The following GLP2R variants were observed in gnomAD, a reference collection of about 807,000 sequenced individuals.
The protein encoded by GLP2R is glucagon like peptide 2 receptor.
GLP2R carries 59 observed loss-of-function variants against 68.2 expected under a neutral mutation model. The ratio of observed to expected loss-of-function variants is 0.87; its 90% confidence interval spans 0.70 to 1.07. The LOEUF (loss-of-function observed/expected upper bound fraction) is 1.07, where lower values mean the gene tolerates loss of function less well. Among genes scored for constraint, GLP2R ranks in the 50% least tolerant of loss-of-function variants. GLP2R has a pLI of 0.00. For missense variants in GLP2R, 548 were observed against 677.4 expected (o/e 0.81, Z 2.12); for synonymous variants, 270 against 265.4 (o/e 1.02, Z -0.17).
At chr17:9,871,088 G>C (rs58131349) in intron 10 of GLP2R, among the ~76,000 whole-genome samples, 2 of 152,140 alleles carry the variant, frequency 1.3e-5, no homozygotes, top group African/African-American at 4.8e-5. Flanking sequence ...CCCTAAGAGG[G>C]CAGGAGTGAT....
At chr17:9,864,775 G>A (rs956649784) in intron 9 of GLP2R, among the ~76,000 whole-genome samples, 6 of 152,028 alleles carry the variant, frequency 3.9e-5, no homozygotes, top group African/African-American at 9.7e-5. Context: ...TACCCACCTC[G>A]GCCTCCCAGA....
chr17:9,846,801 C>T (rs778545801), intron 4 of GLP2R, among the ~76,000 whole-genome samples: 21 of 152,128 alleles, frequency 1.4e-4, no homozygotes, highest in African/African-American at 1.9e-4. Flanking sequence ...TGTAGTGGTG[C>T]GATCAAACCT....
chr17:9,845,590 A>G (rs1251338713), intron 4 of GLP2R, among the ~76,000 whole-genome samples: 2 of 152,042 alleles, frequency 1.3e-5, no homozygotes, highest in Non-Finnish European at 2.9e-5. Context: ...TTTTCAGACT[A>G]TCTTCCCTGG....
chr17:9,826,289 T>C (rs762679884), intron 1 of GLP2R, 37 bp downstream of exon 1: 2 of 1,458,808 alleles, frequency 1.4e-6, no homozygotes, highest in South Asian at 1.4e-5. Context: ...TTATCAGTTG[T>C]ATTTCCTGAT....
rs2066983670 is a variant in GLP2R, at chr17:9,861,165, T to C, written c.952T>C (p.Trp318Arg). ...CTTCCCTGTGCTATTTGTTGTACCC[T>C]GGGGTTTCGCCCGTGCACACCTGGA... ...WAFPVLFVVP[W>R]GFARAHLENT... The change falls in exon 8 of 13, where the codon TGG becomes CGG. Residue 318 changes from tryptophan to arginine, a missense_variant. Physicochemically the swap from Trp to Arg is moderately radical, Grantham distance 101. Transcript: ENST00000262441. The C allele has an allele frequency of 6.2e-7, 1 of 1,613,644 alleles. No homozygotes were observed. The highest frequency in any genetic ancestry group is 8.5e-7 in the Non-Finnish European group (1 of 1,179,660).
chr17:9,852,406 C>CT (rs2066899777), intron 4 of GLP2R, among the ~76,000 whole-genome samples: 1 of 152,144 alleles, frequency 6.6e-6, no homozygotes, highest in African/African-American at 2.4e-5. Flanking sequence ...TGAACTCATT[C>CT]TTTTTTATGG....
intron 3 of GLP2R, among the ~76,000 whole-genome samples, chr17:9,840,194 C>A (rs532576697): frequency 6.6e-6 from 1 of 152,320 alleles, no homozygotes; most frequent in Non-Finnish European, 1.5e-5. Flanking sequence ...CCAGGCTGGT[C>A]TCGAACTTCT....
intron 4 of GLP2R, among the ~76,000 whole-genome samples, chr17:9,844,409 G>C (rs1327358075): frequency 6.6e-6 from 1 of 152,102 alleles, no homozygotes; most frequent in African/African-American, 2.4e-5. Context: ...CAACAGGCAG[G>C]AACCGTGGCA....
intron 3 of GLP2R, among the ~76,000 whole-genome samples, chr17:9,838,375 G>A (rs1164822916): frequency 6.6e-6 from 1 of 152,172 alleles, no homozygotes; most frequent in Non-Finnish European, 1.5e-5. Context: ...CACAGCTGCC[G>A]CTTGGTCCGC....
intron 3 of GLP2R, among the ~76,000 whole-genome samples, chr17:9,837,236 C>G (rs759234868): frequency 1.3e-5 from 2 of 152,132 alleles, no homozygotes; most frequent in Admixed American, 6.6e-5. Flanking sequence ...TTGTACCCAT[C>G]ATCCCTCCCC....
intron 1 of GLP2R, among the ~76,000 whole-genome samples, chr17:9,832,597 G>A (rs994108863): frequency 1.3e-5 from 2 of 152,066 alleles, no homozygotes; most frequent in East Asian, 1.9e-4. Context: ...CGAGCATGGG[G>A]GCATGTGCCT....
At position 9,880,425 on chromosome 17, in the gene GLP2R, A is replaced by G. The variant is rs745442410; in HGVS notation, c.1193A>G (p.Glu398Gly). Residue 398 changes from glutamate to glycine, a missense_variant, in exon 11 of 13, where the codon GAG becomes GGG. Glu to Gly is a moderately conservative substitution (Grantham distance 98). Coordinates refer to ENST00000262441, the MANE Select transcript of GLP2R (RefSeq NM_004246.3). ...CTCATTCCTTTATTGGGCGTTCATG[A>G]GATCCTCTTCTCTTTCATCACTGAT... is the stretch of plus-strand genomic sequence containing the variant. ...LVLIPLLGVH[E>G]ILFSFITDDQ... The G allele has an allele frequency of 6.2e-7, 1 of 1,600,486 alleles. No homozygotes were observed. The highest frequency in any genetic ancestry group is 1.7e-5 in the Admixed American group (1 of 59,484).
chr17:9,828,921 C>T (rs890008570), intron 1 of GLP2R, among the ~76,000 whole-genome samples: 3 of 152,126 alleles, frequency 2.0e-5, no homozygotes, highest in Non-Finnish European at 2.9e-5. Context: ...GTCTGTCCTC[C>T]GGGTGTGTCT....
chr17:9,869,532 C>T (rs115115622), intron 9 of GLP2R, among the ~76,000 whole-genome samples: 154 of 151,466 alleles, frequency 1.0e-3, no homozygotes, highest in African/African-American at 3.3e-3. Flanking sequence ...GCAGCCAAGA[C>T]GGCAGCCAGG....
chr17:9,833,951 G>A (rs979888334), intron 2 of GLP2R, 57 bp downstream of exon 2: 18 of 1,077,292 alleles, frequency 1.7e-5, no homozygotes, highest in Middle Eastern at 2.0e-4. Context: ...AAAGCTTAGC[G>A]GCTCAAAACA....
At chr17:9,839,054 A>G (rs1364114789) in intron 3 of GLP2R, among the ~76,000 whole-genome samples, 1 of 152,224 alleles carries the variant, frequency 6.6e-6, no homozygotes, top group Non-Finnish European at 1.5e-5. Flanking sequence ...GGTGTTAGTC[A>G]CTAGGGTTTC....
chr17:9,867,605 C>T (rs1465922561), intron 9 of GLP2R, among the ~76,000 whole-genome samples: 1 of 152,182 alleles, frequency 6.6e-6, no homozygotes. Flanking sequence ...GTCTCCCCAG[C>T]CCTCAGTAGA....
intron 12 of GLP2R, 47 bp from the exon 13 acceptor site, chr17:9,889,323 G>A (rs1160990707): frequency 7.5e-7 from 1 of 1,328,716 alleles, no homozygotes; most frequent in African/African-American, 1.4e-5. Context: ...TGGACACATG[G>A]CTAAATGACT....
intron 6 of GLP2R, among the ~76,000 whole-genome samples, chr17:9,859,645 A>G (rs2066967032): frequency 6.7e-6 from 1 of 148,530 alleles, no homozygotes; most frequent in Non-Finnish European, 1.5e-5. Flanking sequence ...AAATATATAT[A>G]TATATATACA....
Sources: gnomAD v4.1 joint callset for allele counts (sites outside exome capture counted in the v4.1 genomes callset) on GRCh38, gnomAD v4.1.1 for gene constraint, MANE v1.5 for transcripts, NCBI Gene and HGNC (gene_info 2026-07-23, HGNC 2026-07-21) for gene names.